Variants in NAT16 observed in about 807,000 individuals in gnomAD.
NAT16 encodes the protein N-acetyltransferase 16 (putative).
A neutral mutation model predicts 15.9 loss-of-function variants in NAT16; 16 were observed. The observed-to-expected ratio is 1.01, with a 90% CI of 0.68 to 1.53. The LOEUF (loss-of-function observed/expected upper bound fraction) is 1.53, where lower values mean the gene tolerates loss of function less well. Among genes scored for constraint, NAT16 ranks in the 40% most tolerant of loss-of-function variants. The probability of loss-of-function intolerance (pLI) is 0.00; values close to 1 mark genes in which losing one functional copy is unlikely to be tolerated. For missense variants in NAT16, 572 were observed against 508.4 expected (o/e 1.13, Z -1.20); for synonymous variants, 260 against 241.9 (o/e 1.07, Z -0.69).
At chr7:101,178,550 C>T (rs768424316) in intron 1 of NAT16, among the ~76,000 whole-genome samples, 1 of 151,718 alleles carries the variant, frequency 6.6e-6, no homozygotes, top group Non-Finnish European at 1.5e-5. Flanking sequence ...CCAGGTATCT[C>T]CTGGACCAAG....
chr7:101,172,194 T>C lies in NAT16; in HGVS notation c.995A>G (p.Gln332Arg). Residue 332 changes from glutamine (Q) to arginine (R), a missense_variant, in exon 4 of 4, where the codon CAG becomes CGG. Gln to Arg is a conservative substitution (Grantham distance 43). Coordinates refer to ENST00000300303, the MANE Select transcript of NAT16 (RefSeq NM_198571.3). The surrounding 1 kb of genome is among the most constrained non-coding windows in gnomAD (Gnocchi z 4.2). ...CCACAGCTGGGGCTCCAGGAAGAGCTGGCACATGACGTTGAGGCCAACGAG... is the reference window on the plus strand; with the variant it reads ...CCACAGCTGGGGCTCCAGGAAGAGCCGGCACATGACGTTGAGGCCAACGAG... ...PRLVGLNVMC[Q>R]LFLEPQLWSQ... 6.2e-7 allele frequency: 1 copy of C among 1,613,950 alleles called. No individual in the cohort carries two copies. Among genetic ancestry groups the C allele is most frequent in the Non-Finnish European group, 8.5e-7 (1 of 1,179,970 alleles).
chr7:101,174,089 G>GC (rs1024244196), intron 2 of NAT16: 89 of 306,886 alleles, frequency 2.9e-4, no homozygotes, highest in African/African-American at 1.9e-3. Context: ...CGCTCACCAC[G>GC]CCCCTTCCTT....
chr7:101,173,267 C>G, intron 3 of NAT16, 29 bp downstream of exon 3: 1 of 1,592,970 alleles, frequency 6.3e-7, no homozygotes, highest in Non-Finnish European at 8.6e-7. Context: ...CAGAGAGGCC[C>G]AGCCATCCGA....
rs373871115 is a variant in NAT16, at chr7:101,172,009, G to A, written c.*70C>T. 40 of 1,155,310 alleles carry A rather than the reference G, an allele frequency of 3.5e-5. No homozygotes were observed. The East Asian group carries it at 4.3e-4, about 12-fold the overall frequency. The allele number at this position is 1,155,310 out of a possible 1,614,324, so 71.6% of individuals were successfully genotyped here. The stretch of plus-strand genomic sequence containing the variant: ...GGAGACGCAGCGTCGGAAATGGCAG[G>A]AAAGAGGCTGGCTGGGGAAACTGCG... On this transcript the variant is annotated 3_prime_UTR_variant, in exon 4 of 4. Transcript: ENST00000300303. This position sits in a 1 kb window ranked among gnomAD's most constrained non-coding sequence, Gnocchi z 4.2.
chr7:101,179,676 G>A (rs971132575), intron 1 of NAT16, among the ~76,000 whole-genome samples: 16 of 150,240 alleles, frequency 1.1e-4, no homozygotes, highest in South Asian at 4.2e-4. Flanking sequence ...GAGAAGGGGG[G>A]GCTGTCCTGC....
intron 1 of NAT16, 107 bp from the exon 2 acceptor site, chr7:101,174,918 C>G (rs957510777): frequency 8.0e-6 from 10 of 1,247,698 alleles, no homozygotes. Flanking sequence ...AATAGCCTTT[C>G]TTTTTCTTTT....
chr7:101,173,224 T>G, intron 3 of NAT16, 72 bp downstream of exon 3: 2 of 1,350,358 alleles, frequency 1.5e-6, no homozygotes, highest in Non-Finnish European at 2.1e-6. Flanking sequence ...CGTGTTCTGC[T>G]GGGGGTGGGG....
chr7:101,172,657 G>A lies in NAT16; in HGVS notation c.538-6C>T. On this transcript the variant is annotated splice_polypyrimidine_tract_variant and splice_region_variant and intron_variant, in intron 3 of 3. Coordinates refer to ENST00000300303, the MANE Select transcript of NAT16 (RefSeq NM_198571.3). The surrounding 1 kb of genome is among the most constrained non-coding windows in gnomAD (Gnocchi z 4.2). ...AATCGGACCAAAAGGATGCCCTGCG[G>A]GGGGCACGAGTGAGCGCGGGGAGGG... 1 of 1,491,408 alleles carries A rather than the reference G, an allele frequency of 6.7e-7. No individual in the cohort carries two copies. Among genetic ancestry groups the A allele is most frequent in the Non-Finnish European group, 8.8e-7 (1 of 1,131,582 alleles). The allele number at this position is 1,491,408 out of a possible 1,614,324, so 92.4% of individuals were successfully genotyped here.
Position 101,172,658 on chromosome 7 carries a change from G to A in NAT16, c.538-7C>T, listed in dbSNP as rs767752196. 1.9e-5 allele frequency: 28 copies of A among 1,491,288 alleles called. No individual in the cohort carries two copies. Among genetic ancestry groups the A allele is most frequent in the Admixed American group, 2.3e-5 (1 of 42,898 alleles). 92.4% of individuals were successfully genotyped at this position (1,491,288 alleles called of 1,614,324 possible). On this transcript the variant is annotated splice_polypyrimidine_tract_variant and splice_region_variant and intron_variant, in intron 3 of 3. Transcript: ENST00000300303. This position sits in a 1 kb window ranked among gnomAD's most constrained non-coding sequence, Gnocchi z 4.2. Reference sequence around the variant, plus strand: ...ATCGGACCAAAAGGATGCCCTGCGGGGGGCACGAGTGAGCGCGGGGAGGGG... The same window carrying A: ...ATCGGACCAAAAGGATGCCCTGCGGAGGGCACGAGTGAGCGCGGGGAGGGG...
intron 1 of NAT16, among the ~76,000 whole-genome samples, chr7:101,175,428 C>T (rs1180212397): frequency 6.6e-6 from 1 of 151,938 alleles, no homozygotes; most frequent in Non-Finnish European, 1.5e-5. Context: ...TTTCTGCTGT[C>T]CACACAGACC....
chr7:101,173,262 A>G, intron 3 of NAT16, 34 bp downstream of exon 3: 1 of 1,579,120 alleles, frequency 6.3e-7, no homozygotes, highest in Non-Finnish European at 8.7e-7. Flanking sequence ...CCCAGCAGAG[A>G]GGCCCAGCCA....
Position 101,173,525 on chromosome 7 carries a change from G to T in NAT16, c.313-5C>A. 6.3e-7 allele frequency: 1 copy of T among 1,579,386 alleles called. No individual in the cohort carries two copies. On this transcript the variant is annotated splice_region_variant and splice_polypyrimidine_tract_variant and intron_variant, in intron 2 of 3. Transcript: ENST00000300303. ...GTTCACCGACTCCAGCGCGATCTGC[G>T]GACCGAGGCCGTTAGCGCGGGGCCC...
Position 101,173,486 on chromosome 7 carries a change from C to CCGGCGT in NAT16, c.341_346dup (p.Asp114_Ala115dup), listed in dbSNP as rs1797391150. On this transcript the variant is annotated inframe_insertion, in exon 3 of 4. Transcript: ENST00000300303. ...CAGCCCCTCCACCAGCACCGTCTCC[C>CCGGCGT]CGGCGTCGATCACGTTCACCGACTC... 3 of 1,607,254 alleles carry CCGGCGT rather than the reference C, an allele frequency of 1.9e-6. No homozygotes were observed. The highest frequency in any genetic ancestry group is 3.3e-5 in the Admixed American group (2 of 59,736).
In NAT16 at chr7:101,172,764, G is replaced by T. The variant is rs1797361931; in HGVS notation, c.538-113C>A. 6 of 898,204 alleles carry T rather than the reference G, an allele frequency of 6.7e-6. No homozygotes were observed. Among genetic ancestry groups the T allele is most frequent in the South Asian group, 1.8e-5 (1 of 54,074 alleles). 55.6% of individuals were successfully genotyped at this position (898,204 alleles called of 1,614,324 possible). On this transcript the variant is annotated intron_variant, in intron 3 of 3. Transcript: ENST00000300303. This position sits in a 1 kb window ranked among gnomAD's most constrained non-coding sequence, Gnocchi z 4.2. ...GTTCACGCCCACGGGCTCCCACCTG[G>T]GTCCCTCTGGAGGAGCGACCGTGAG...
chr7:101,172,702 G>A lies in NAT16; in HGVS notation c.538-51C>T, dbSNP rs1201961131. 9 of 1,366,544 alleles carry A rather than the reference G, an allele frequency of 6.6e-6. No homozygotes were observed. Among genetic ancestry groups the A allele is most frequent in the Admixed American group, 6.3e-5 (2 of 31,902 alleles). The allele number at this position is 1,366,544 out of a possible 1,614,324, so 84.7% of individuals were successfully genotyped here. A position where few individuals can be genotyped will look rare whatever the true frequency, so the allele number is the denominator to read the frequency against. On this transcript the variant is annotated intron_variant, in intron 3 of 3. Transcript: ENST00000300303. The surrounding 1 kb of genome is among the most constrained non-coding windows in gnomAD (Gnocchi z 4.2). The stretch of plus-strand genomic sequence containing the variant: ...GGAGGGGGGGCGCAGCAGGGCTGGC[G>A]AGCCCGGCGCCTCTCGGCAGGCATC...
rs1562873884 is a variant in NAT16, at chr7:101,173,402, G to T, written c.431C>A (p.Ser144Ter). 3.1e-6 allele frequency: 5 copies of T among 1,613,716 alleles called. No homozygotes were observed. Among genetic ancestry groups the T allele is most frequent in the East Asian group, 2.2e-5 (1 of 44,872 alleles). ...GVAGLLQRFCSQLVKRQHPGV... is the reference protein window; with the variant it reads ...GVAGLLQRFC ...CGGGTGCTGTCTCTTGACCAGCTGC[G>T]AGCAGAAGCGCTGCAGCAGCCCGGC... Residue 144 changes from serine (S) to a stop codon, truncating the protein, a stop_gained, in exon 3 of 4, where the codon TCG (serine) becomes TAG (stop). Transcript: ENST00000300303. LOFTEE classifies it high-confidence loss of function.
chr7:101,175,112 G>T (rs997287107), intron 1 of NAT16, among the ~76,000 whole-genome samples: 4 of 151,948 alleles, frequency 2.6e-5, no homozygotes, highest in African/African-American at 9.7e-5. Context: ...GTGCCACCAT[G>T]CCTGGCTAAT....
At position 101,174,841 on chromosome 7, in the gene NAT16, G is replaced by C. The variant is rs749974145; in HGVS notation, c.-4-30C>G. The C allele has an allele frequency of 3.3e-6, 5 of 1,516,590 alleles. No homozygotes were observed. The East Asian group carries it at 1.1e-4, about 35-fold the overall frequency. 93.9% of individuals were successfully genotyped at this position (1,516,590 alleles called of 1,614,324 possible). ...AGAAAAAAAGAGAATTCAGCACCTG[G>C]ATCAGCCCCTTTGTTTCCACATCTG... On this transcript the variant is annotated intron_variant, in intron 1 of 3. Transcript: ENST00000300303.
chr7:101,171,417 CAG>C lies in NAT16; in HGVS notation c.*660_*661del, dbSNP rs1344566259. ...ACTGGGCTGGTGATGGGAAGGAAAA[CAG>C]GGACAGAAAAATGGGCACTGCGGTG... On this transcript the variant is annotated 3_prime_UTR_variant, in exon 4 of 4. Transcript: ENST00000300303. 1.3e-5 allele frequency: 2 copies of C among 152,526 alleles called. No individual in the cohort carries two copies. Among genetic ancestry groups the C allele is most frequent in the African/African-American group, 2.4e-5 (1 of 41,440 alleles). The allele number at this position is 152,526 out of a possible 1,614,324, so 9.4% of individuals were successfully genotyped here. A position where few individuals can be genotyped will look rare whatever the true frequency, so the allele number is the denominator to read the frequency against.
Sources: gnomAD v4.1 joint callset for allele counts (sites outside exome capture counted in the v4.1 genomes callset) on GRCh38, gnomAD v4.1.1 for gene constraint, Gnocchi (gnomAD v3.1) non-coding constraint, MANE v1.5 for transcripts, NCBI Gene and HGNC (gene_info 2026-07-23, HGNC 2026-07-21) for gene names.